Variants in PLAGL1 observed in about 807,000 individuals in gnomAD.
PLAGL1 encodes the protein PLAG1 like zinc finger 1, also known as zinc finger protein PLAGL1.
PLAGL1 carries 1 observed loss-of-function variant against 4.6 expected under a neutral mutation model. That is an observed-to-expected ratio of 0.22 (90% CI 0.08 to 1.03). PLAGL1 has a LOEUF of 1.03. Ranked by LOEUF, PLAGL1 falls within the 50% of genes least tolerant of loss-of-function variation. The pLI is 0.58. For synonymous variants in PLAGL1, 240 were observed against 237.8 expected, an observed-to-expected ratio of 1.01 and a Z score of -0.08; for missense variants, 464 against 570.4, an observed-to-expected ratio of 0.81 and a Z score of 1.90.
At chr6:144,001,946 G>C (rs1792993744) in intron 1 of PLAGL1, among the ~76,000 whole-genome samples, 1 of 152,024 alleles carries the variant, frequency 6.6e-6, no homozygotes, top group South Asian at 2.1e-4. Context: ...AAACGAGGGA[G>C]GCATGAAAAC....
rs1790314026 is a variant in PLAGL1, at chr6:143,990,802, T to G, written c.-583-5628A>C. Among the ~76,000 whole-genome samples, 1 of 152,226 alleles carries G rather than the reference T, an allele frequency of 6.6e-6. No homozygotes were observed. ...GGGACCCAACCCCTCTTTCCTCCCT[T>G]GTGTCATGCCGCTGCATTATATATC... is the stretch of plus-strand genomic sequence containing the variant. On this transcript the variant is annotated intron_variant, in intron 1 of 7. Transcript: ENST00000674357. The surrounding 1 kb of genome is among the most constrained non-coding windows in gnomAD (Gnocchi z 5.4).
rs1339310337 is a variant in PLAGL1, at chr6:144,034,810, TA to T, written c.-151+29657del. ...CAGATTTGTGGAGTTTTGCAAGCTT[TA>T]AGCAAAGTAGATGAACCAGGAACAA... is the stretch of plus-strand genomic sequence containing the variant. On this transcript the variant is annotated intron_variant, in intron 1 of 3. Transcript: ENST00000437412. This position sits in a 1 kb window ranked among gnomAD's most constrained non-coding sequence, Gnocchi z 4.7. Among the ~76,000 whole-genome samples, 2 of 152,224 alleles carry T rather than the reference TA, an allele frequency of 1.3e-5. No individual in the cohort carries two copies. The highest frequency in any genetic ancestry group is 4.8e-5 in the African/African-American group (2 of 41,460).
chr6:144,035,419 C>T (rs1439223623), intron 1 of PLAGL1, among the ~76,000 whole-genome samples: 2 of 152,178 alleles, frequency 1.3e-5, no homozygotes, highest in Admixed American at 6.5e-5. Flanking sequence ...GCATCTAGCA[C>T]GGGAGAAAGA....
At chr6:144,054,776 A>AGTGTGT (rs55975441) in intron 1 of PLAGL1, among the ~76,000 whole-genome samples, 4,487 of 142,164 alleles carry the variant, frequency 0.032, 68 homozygotes, top group African/African-American at 0.05. Context: ...ACTAAAAAAG[A>AGTGTGT]GTGTGTGTGT....
rs1023282081 is a variant in PLAGL1, at chr6:143,963,890, A to T, written c.-399+897T>A. 3.3e-5 allele frequency among the ~76,000 whole-genome samples: 5 copies of T among 152,212 alleles called. No homozygotes were observed. The highest frequency in any genetic ancestry group is 3.3e-4 in the Admixed American group (5 of 15,288). Reference sequence around the variant, plus strand: ...TCCCAATGATTCTCCTTTCTAGCTCATTTAAAACAGGTGGCAGGCTTTGTA... The same window carrying T: ...TCCCAATGATTCTCCTTTCTAGCTCTTTTAAAACAGGTGGCAGGCTTTGTA... On this transcript the variant is annotated intron_variant, in intron 5 of 7. Coordinates refer to ENST00000674357, the MANE Select transcript of PLAGL1 (RefSeq NM_001317162.2). The surrounding 1 kb of genome is among the most constrained non-coding windows in gnomAD (Gnocchi z 6.1).
At position 144,061,372 on chromosome 6, in the gene PLAGL1, A is replaced by G. The variant is rs900376106; in HGVS notation, c.-151+3096T>C. On this transcript the variant is annotated intron_variant, in intron 1 of 3. Coordinates refer to the PLAGL1 transcript ENST00000437412. This position sits in a 1 kb window ranked among gnomAD's most constrained non-coding sequence, Gnocchi z 4.4. Reference sequence around the variant, plus strand: ...CTATCTGTGCAACCTACCAAGTTCCACCAGGATCAAACAAAGTGAGGTAAG... The same window carrying G: ...CTATCTGTGCAACCTACCAAGTTCCGCCAGGATCAAACAAAGTGAGGTAAG... Among the ~76,000 whole-genome samples, 1 of 152,234 alleles carries G rather than the reference A, an allele frequency of 6.6e-6. No individual in the cohort carries two copies. Among genetic ancestry groups the G allele is most frequent in the African/African-American group, 2.4e-5 (1 of 41,456 alleles).
At chr6:144,021,326 G>T (rs1414042876) in intron 1 of PLAGL1, among the ~76,000 whole-genome samples, 1 of 152,110 alleles carries the variant, frequency 6.6e-6, no homozygotes, top group Non-Finnish European at 1.5e-5. Context: ...AATTATTACT[G>T]TATTTTTGTG....
At chr6:144,019,843 T>A (rs1795846083) in intron 1 of PLAGL1, among the ~76,000 whole-genome samples, 1 of 150,980 alleles carries the variant, frequency 6.6e-6, no homozygotes, top group African/African-American at 2.4e-5. Flanking sequence ...CTGATTATGA[T>A]GTTCCTTTAT....
rs533293669 is a variant in PLAGL1 at position 143,954,417 on chromosome 6, G to A, written c.-324-5957C>T. On this transcript the variant is annotated intron_variant, in intron 6 of 7. Coordinates refer to ENST00000674357, the MANE Select transcript of PLAGL1 (RefSeq NM_001317162.2). The surrounding 1 kb of genome is among the most constrained non-coding windows in gnomAD (Gnocchi z 5.1). Reference sequence around the variant, plus strand: ...TAAAGAGGACAACACCAACAAAAAGGCAGTGGCAGTGCAAGACCCCAGGGG... The same window carrying A: ...TAAAGAGGACAACACCAACAAAAAGACAGTGGCAGTGCAAGACCCCAGGGG... 9.2e-5 allele frequency among the ~76,000 whole-genome samples: 14 copies of A among 152,260 alleles called. No homozygotes were observed. Among genetic ancestry groups the A allele is most frequent in the Non-Finnish European group, 1.9e-4 (13 of 68,022 alleles).
intron 1 of PLAGL1, among the ~76,000 whole-genome samples, chr6:144,001,805 C>T (rs1192344559): frequency 6.6e-6 from 1 of 152,104 alleles, no homozygotes; most frequent in Non-Finnish European, 1.5e-5. Context: ...CTCTCAAAAT[C>T]CATAATCTCA....
Position 143,942,819 on chromosome 6 carries a change from A to C in PLAGL1, c.153-156T>G, listed in dbSNP as rs531117144. ...ATATTTTCCAAATATATAAACTTTT[A>C]TAATTAAGAAAAGCAAGCAATACTA... On this transcript the variant is annotated intron_variant, in intron 7 of 7. Transcript: ENST00000674357. The surrounding 1 kb of genome is among the most constrained non-coding windows in gnomAD (Gnocchi z 7.6). Among the ~76,000 whole-genome samples the C allele has an allele frequency of 6.6e-6, 1 of 152,194 alleles. No individual in the cohort carries two copies. The highest frequency in any genetic ancestry group is 1.5e-5 in the Non-Finnish European group (1 of 68,038).
At position 143,997,541 on chromosome 6, in the gene PLAGL1, T is replaced by TA. The variant is rs1252500597; in HGVS notation, c.-584+10548dup. ...CACAAAAGAGTACATCCTGTTTGGT[T>TA]ATACTTAAAATTCAAGAATAGACAA... On this transcript the variant is annotated intron_variant, in intron 1 of 7. Transcript: ENST00000674357. This position sits in a 1 kb window ranked among gnomAD's most constrained non-coding sequence, Gnocchi z 4.6. Among the ~76,000 whole-genome samples, 1 of 152,174 alleles carries TA rather than the reference T, an allele frequency of 6.6e-6. No homozygotes were observed. The highest frequency in any genetic ancestry group is 1.5e-5 in the Non-Finnish European group (1 of 68,020).
At position 144,053,423 on chromosome 6, in the gene PLAGL1, C is replaced by T. The variant is rs1798724406; in HGVS notation, c.-151+11045G>A. Among the ~76,000 whole-genome samples the T allele has an allele frequency of 6.6e-6, 1 of 152,206 alleles. No individual in the cohort carries two copies. The highest frequency in any genetic ancestry group is 6.5e-5 in the Admixed American group (1 of 15,280). On this transcript the variant is annotated intron_variant, in intron 1 of 3. Transcript: ENST00000437412. This position sits in a 1 kb window ranked among gnomAD's most constrained non-coding sequence, Gnocchi z 4.0. ...TGCTGGTGTTACAGGCGTGAGCCAC[C>T]ACACCCGGCCTAATTAGTCATTAAT...
rs114977011 is a variant in PLAGL1 at position 144,004,305 on chromosome 6, T to C, written c.-584+3785A>G. On this transcript the variant is annotated intron_variant, in intron 1 of 7. Transcript: ENST00000674357. The surrounding 1 kb of genome is among the most constrained non-coding windows in gnomAD (Gnocchi z 4.2). ...CAAGAGATTCTCCTGCCTCAGCCTC[T>C]TGACTGGCTGGAATTATAGACAGGA... Among the ~76,000 whole-genome samples, 876 of 152,280 alleles carry C rather than the reference T, an allele frequency of 5.8e-3. 4 individuals are homozygous for C. Among genetic ancestry groups the C allele is most frequent in the African/African-American group, 0.02 (833 of 41,560 alleles).
rs55710387 is a variant in PLAGL1, at chr6:143,985,897, ATGTGTG to A, written c.-583-729_-583-724del. Reference sequence around the variant, plus strand: ...GCCAAGCTACATATTATATATTATTATGTGTGTGTGTGTGTGTGTGTATACACACAC... The same window carrying A: ...GCCAAGCTACATATTATATATTATTATGTGTGTGTGTGTGTATACACACAC... On this transcript the variant is annotated intron_variant, in intron 1 of 7. Transcript: ENST00000674357. The surrounding 1 kb of genome is among the most constrained non-coding windows in gnomAD (Gnocchi z 4.4). 0.029 allele frequency among the ~76,000 whole-genome samples: 4,087 copies of A among 140,040 alleles called. 209 individuals are homozygous for A. Among genetic ancestry groups the A allele is most frequent in the African/African-American group, 0.1 (3,844 of 37,926 alleles). The allele number at this position is 140,040 out of a possible 152,430, so 91.9% of individuals were successfully genotyped here.
chr6:144,041,797 C>G (rs1797752673), intron 1 of PLAGL1, among the ~76,000 whole-genome samples: 1 of 152,170 alleles, frequency 6.6e-6, no homozygotes, highest in Non-Finnish European at 1.5e-5. Flanking sequence ...TTTACACTCC[C>G]AACAATGGCA....
intron 1 of PLAGL1, among the ~76,000 whole-genome samples, chr6:144,003,737 A>G (rs1015276264): frequency 1.3e-5 from 2 of 152,208 alleles, no homozygotes; most frequent in African/African-American, 2.4e-5. Context: ...AAAATCATTA[A>G]CAAAAAGGTA....
rs975673897 is a variant in PLAGL1 at position 144,063,586 on chromosome 6, G to A, written c.-151+882C>T. Among the ~76,000 whole-genome samples the A allele has an allele frequency of 6.6e-6, 1 of 152,060 alleles. No homozygotes were observed. The highest frequency in any genetic ancestry group is 6.5e-5 in the Admixed American group (1 of 15,270). The stretch of plus-strand genomic sequence containing the variant: ...GAATACATCGGAGTTCTGTTCTTTC[G>A]GTGGCCACACAGATGCTCAATGCCA... On this transcript the variant is annotated intron_variant, in intron 1 of 3. Transcript: ENST00000437412. This position sits in a 1 kb window ranked among gnomAD's most constrained non-coding sequence, Gnocchi z 5.7.
chr6:144,053,275 C>T lies in PLAGL1; in HGVS notation c.-151+11193G>A, dbSNP rs1798711713. Among the ~76,000 whole-genome samples, 1 of 152,190 alleles carries T rather than the reference C, an allele frequency of 6.6e-6. No homozygotes were observed. The highest frequency in any genetic ancestry group is 2.1e-4 in the South Asian group (1 of 4,828). ...TCAGTCTCCTGAGTACCTGGGATTA[C>T]AGGCATGCACCATCATGCCGAGCTA... On this transcript the variant is annotated intron_variant, in intron 1 of 3. Coordinates refer to the PLAGL1 transcript ENST00000437412. This position sits in a 1 kb window ranked among gnomAD's most constrained non-coding sequence, Gnocchi z 4.0.
Sources: allele counts gnomAD v4.1 joint callset (sites outside exome capture counted in the v4.1 genomes callset), GRCh38; gene constraint gnomAD v4.1.1; non-coding constraint Gnocchi (gnomAD v3.1); transcripts MANE v1.5; gene names NCBI Gene and HGNC (gene_info 2026-07-23, HGNC 2026-07-21).